FREM3: variants seen among roughly 807,000 people sequenced by gnomAD.
FREM3 encodes the protein FRAS1 related extracellular matrix 3, also known as FRAS1-related extracellular matrix protein 3.
In FREM3, 105 loss-of-function variants were observed where a neutral mutation model predicts 129.1. The ratio of observed to expected loss-of-function variants is 0.81; its 90% CI spans 0.69 to 0.96. FREM3 has a LOEUF of 0.96. FREM3 is among the 40% of genes least tolerant of loss of function. FREM3 has a pLI of 0.00. For synonymous variants in FREM3, 1,014 were observed against 1,044.9 expected, an observed-to-expected ratio of 0.97 and a Z score of 0.57; for missense variants, 2,593 against 2,666.3, an observed-to-expected ratio of 0.97 and a Z score of 0.61.
intron 2 of FREM3, among the ~76,000 whole-genome samples, chr4:143,673,710 C>A (rs191235987): frequency 6.6e-6 from 1 of 152,248 alleles, no homozygotes; most frequent in Non-Finnish European, 1.5e-5. Context: ...CAGAGGCAGG[C>A]AGGCCTCCTT....
In FREM3 at chr4:143,669,048, TCATTTA is replaced by T. The variant is rs572074757; in HGVS notation, c.5275+24059_5275+24064del. On this transcript the variant is annotated intron_variant, in intron 2 of 7. Transcript: ENST00000329798. ...ACAATGAAGAGTGTATATAGTTAAGTCATTTACGTATTGAAACAGTGATTTTTGGTT... is the reference window on the plus strand; with the variant it reads ...ACAATGAAGAGTGTATATAGTTAAGTCGTATTGAAACAGTGATTTTTGGTT... 1.2e-3 allele frequency among the ~76,000 whole-genome samples: 176 copies of T among 152,284 alleles called. 1 individual carries two copies. The highest frequency in any genetic ancestry group is 4.1e-3 in the African/African-American group (171 of 41,556).
intron 2 of FREM3, among the ~76,000 whole-genome samples, chr4:143,659,407 A>G (rs925589454): frequency 1.3e-5 from 2 of 151,928 alleles, no homozygotes; most frequent in African/African-American, 2.4e-5. Context: ...CCATGTCACT[A>G]CAAAGGACAT....
chr4:143,695,599 G>C lies in FREM3; in HGVS notation c.5077C>G (p.Gln1693Glu). 1 of 1,537,316 alleles carries C rather than the reference G, an allele frequency of 6.5e-7. No homozygotes were observed. The highest frequency in any genetic ancestry group is 1.2e-5 in the South Asian group (1 of 84,052). ...ITSKSLKAED[Q>E]DSPHRLLKYK... ...TTCAGAAGCCTGTGGGGACTGTCCT[G>C]ATCTTCTGCCTTCAGAGACTTGCTG... is the stretch of plus-strand genomic sequence containing the variant. The change falls in exon 1 of 8, where the codon CAG becomes GAG. Residue 1693 changes from glutamine to glutamate, a missense_variant. Physicochemically the swap from Gln to Glu is conservative, Grantham distance 29. Around this residue, in one of 2 missense-constraint regions of FREM3, gnomAD observed 2,276 missense variants for 2,267.2 expected, o/e 1.00. Transcript: ENST00000329798.
intron 5 of FREM3, among the ~76,000 whole-genome samples, chr4:143,618,928 A>C (rs1032520198): frequency 6.6e-6 from 1 of 152,156 alleles, no homozygotes; most frequent in Non-Finnish European, 1.5e-5. Flanking sequence ...AGAAACCAAC[A>C]ACAAAAAACT....
intron 6 of FREM3, among the ~76,000 whole-genome samples, chr4:143,600,102 A>C (rs974168328): frequency 6.6e-6 from 1 of 152,216 alleles, no homozygotes; most frequent in African/African-American, 2.4e-5. Context: ...GAAGCCCTTA[A>C]ATCTTTCCAA....
intron 2 of FREM3, among the ~76,000 whole-genome samples, chr4:143,661,993 A>G (rs1011919233): frequency 2.6e-5 from 4 of 151,432 alleles, no homozygotes; most frequent in Admixed American, 6.6e-5. Context: ...TTTCTTTATT[A>G]GTCTTGCTAG....
chr4:143,613,005 G>A (rs903583258), intron 5 of FREM3, among the ~76,000 whole-genome samples: 7 of 152,104 alleles, frequency 4.6e-5, no homozygotes, highest in African/African-American at 1.2e-4. Flanking sequence ...CTAAACATCC[G>A]TACAAGTTGG....
Position 143,699,067 on chromosome 4 carries a change from G to A in FREM3, c.1609C>T (p.Leu537=), listed in dbSNP as rs1477477537. The change falls in exon 1 of 8, where the codon CTA becomes TTA. Residue 537 remains leucine (L), a synonymous_variant. Coordinates refer to ENST00000329798, the MANE Select transcript of FREM3 (RefSeq NM_001168235.2). This position sits in a 1 kb window ranked among gnomAD's most constrained non-coding sequence, Gnocchi z 4.2. ...ATTGGTGGTTCATCATCCACAGGTA[G>A]GATGGTGAGGGGAAAGAGGAAGTCC... ...QVDFLFPLTI[L]PVDDEPPMVN... is the part of the protein sequence containing the mutation. The A allele has an allele frequency of 2.0e-6, 3 of 1,537,480 alleles. No homozygotes were observed. Among genetic ancestry groups the A allele is most frequent in the Admixed American group, 3.9e-5 (2 of 51,002 alleles).
intron 3 of FREM3, 35 bp from the exon 4 acceptor site, chr4:143,624,373 C>T: frequency 7.7e-7 from 1 of 1,305,928 alleles, no homozygotes; most frequent in Middle Eastern, 2.3e-4. Flanking sequence ...AATATAAAGC[C>T]AAGTGACTGA....
intron 6 of FREM3, among the ~76,000 whole-genome samples, chr4:143,605,613 T>C (rs985894587): frequency 1.2e-4 from 18 of 152,108 alleles, no homozygotes; most frequent in Admixed American, 9.8e-4. Context: ...GTAGCCAAAG[T>C]GGTTTGCCAG....
intron 2 of FREM3, among the ~76,000 whole-genome samples, chr4:143,691,535 C>T (rs959500757): frequency 6.6e-6 from 1 of 152,164 alleles, no homozygotes; most frequent in Admixed American, 6.5e-5. Flanking sequence ...AGTTAAGAGC[C>T]CTAGCTTTGG....
intron 2 of FREM3, among the ~76,000 whole-genome samples, chr4:143,662,316 A>T (rs903549838): frequency 6.6e-6 from 1 of 152,168 alleles, no homozygotes; most frequent in Non-Finnish European, 1.5e-5. Flanking sequence ...TTCAAAGAAC[A>T]TCTTCATTTC....
chr4:143,664,106 C>T (rs189050015), intron 2 of FREM3, among the ~76,000 whole-genome samples: 17 of 152,254 alleles, frequency 1.1e-4, no homozygotes, highest in Admixed American at 5.2e-4. Flanking sequence ...TTCTCCGTCC[C>T]GCTTTGTTCC....
At chr4:143,653,852 A>C (rs926932489) in intron 2 of FREM3, among the ~76,000 whole-genome samples, 1 of 152,222 alleles carries the variant, frequency 6.6e-6, no homozygotes, top group Non-Finnish European at 1.5e-5. Context: ...GTAATTATAC[A>C]ACAAATATTT....
chr4:143,678,251 A>G (rs549392043), intron 2 of FREM3, among the ~76,000 whole-genome samples: 7 of 152,292 alleles, frequency 4.6e-5, no homozygotes, highest in African/African-American at 1.7e-4. Context: ...AGACATGGAT[A>G]AAGCTGGAAA....
intron 2 of FREM3, among the ~76,000 whole-genome samples, chr4:143,632,748 G>A (rs1169261770): frequency 6.6e-6 from 1 of 152,054 alleles, no homozygotes; most frequent in Non-Finnish European, 1.5e-5. Context: ...GGGCCACATT[G>A]GAGGAAGAAG....
At chr4:143,590,915 A>G (rs1021129449) in intron 6 of FREM3, among the ~76,000 whole-genome samples, 3 of 152,018 alleles carry the variant, frequency 2.0e-5, no homozygotes, top group African/African-American at 7.3e-5. Flanking sequence ...TCAATTTCAG[A>G]TTCTGTTATT....
At chr4:143,645,818 T>C (rs570169832) in intron 2 of FREM3, among the ~76,000 whole-genome samples, 2 of 152,270 alleles carry the variant, frequency 1.3e-5, no homozygotes, top group Non-Finnish European at 2.9e-5. Context: ...GTATAGCTAC[T>C]ATGATATTCA....
Position 143,693,108 on chromosome 4 carries a change from C to T in FREM3, c.5275+5G>A. 1.4e-6 allele frequency: 2 copies of T among 1,432,156 alleles called. No homozygotes were observed. Among genetic ancestry groups the T allele is most frequent in the Non-Finnish European group, 1.9e-6 (2 of 1,070,164 alleles). 88.7% of individuals were successfully genotyped at this position (1,432,156 alleles called of 1,614,324 possible). Reference sequence around the variant, plus strand: ...AATCCTTTTGAAGGGTTTATTATGACTTACCATTGTCTTCAACAGAGAAAT... The same window carrying T: ...AATCCTTTTGAAGGGTTTATTATGATTTACCATTGTCTTCAACAGAGAAAT... On this transcript the variant is annotated splice_donor_5th_base_variant and intron_variant, in intron 2 of 7. Transcript: ENST00000329798.
Sources: allele counts gnomAD v4.1 joint callset (sites outside exome capture counted in the v4.1 genomes callset), GRCh38; gene constraint gnomAD v4.1.1; regional missense constraint gnomAD v4.1.1; non-coding constraint Gnocchi (gnomAD v3.1); transcripts MANE v1.5; gene names NCBI Gene and HGNC (gene_info 2026-07-23, HGNC 2026-07-21).